The following CDH8 variants were observed in gnomAD, a reference collection of about 807,000 sequenced individuals.
CDH8 encodes cadherin 8.
Under a neutral mutation model 68.1 loss-of-function variants are expected in CDH8, and 17 were observed. The ratio of observed to expected loss-of-function variants is 0.25; its 90% confidence interval spans 0.17 to 0.37. The LOEUF (loss-of-function observed/expected upper bound fraction) is 0.37, where lower values mean the gene tolerates loss of function less well. CDH8 is among the 10% of genes least tolerant of loss of function. The probability of loss-of-function intolerance (pLI) is 1.00; values close to 1 mark genes in which losing one functional copy is unlikely to be tolerated. For synonymous variants in CDH8, 372 were observed against 365.1 expected (o/e 1.02, Z -0.21); for missense variants, 763 against 999.3 (o/e 0.76, Z 3.19).
At chr16:61,750,594 A>G (rs1960135156) in intron 8 of CDH8, among the ~76,000 whole-genome samples, 1 of 152,218 alleles carries the variant, frequency 6.6e-6, no homozygotes, top group South Asian at 2.1e-4. Context: ...TCCTATAAGC[A>G]GGTTGACTCT....
At chr16:61,707,603 G>C (rs912633416) in intron 10 of CDH8, among the ~76,000 whole-genome samples, 7 of 152,108 alleles carry the variant, frequency 4.6e-5, no homozygotes, top group African/African-American at 2.4e-5. Flanking sequence ...TGAGGGATCT[G>C]AAGCACTTGG....
At chr16:61,794,749 A>T (rs1567473604) in intron 7 of CDH8, among the ~76,000 whole-genome samples, 1 of 151,766 alleles carries the variant, frequency 6.6e-6, no homozygotes, top group African/African-American at 2.4e-5. Context: ...TGGTACCAGT[A>T]TTTTTTTTCC....
chr16:61,941,948 G>T (rs141629951), intron 2 of CDH8, among the ~76,000 whole-genome samples: 10 of 151,858 alleles, frequency 6.6e-5, no homozygotes, highest in Non-Finnish European at 1.0e-4. Flanking sequence ...CCTGCTCCTC[G>T]TTTTAGTAAA....
In CDH8 at chr16:61,649,624, A is replaced by T. The variant is rs1374062680; in HGVS notation, c.*3984T>A. 6.6e-6 allele frequency: 1 copy of T among 151,896 alleles called. No homozygotes were observed. The highest frequency in any genetic ancestry group is 1.5e-5 in the Non-Finnish European group (1 of 67,978). The allele number at this position is 151,896 out of a possible 1,614,324, so 9.4% of individuals were successfully genotyped here. On this transcript the variant is annotated 3_prime_UTR_variant, in exon 12 of 12. Coordinates refer to ENST00000577390, the MANE Select transcript of CDH8 (RefSeq NM_001796.5). ...GATGGGATTTTTTTGAAATCTTATT[A>T]CTGGTTACACTGCCCTGATCTCAGA... is the stretch of plus-strand genomic sequence containing the variant.
chr16:61,971,835 G>T (rs556731253), intron 2 of CDH8, among the ~76,000 whole-genome samples: 1 of 152,242 alleles, frequency 6.6e-6, no homozygotes, highest in East Asian at 1.9e-4. Context: ...GAGTTTAACT[G>T]TATGCCAGGA....
At chr16:61,902,408 CT>C (rs1294390130) in intron 2 of CDH8, among the ~76,000 whole-genome samples, 1 of 151,978 alleles carries the variant, frequency 6.6e-6, no homozygotes, top group African/African-American at 2.4e-5. Flanking sequence ...GGTGTCTCTC[CT>C]GTTTTAAAAA....
intron 8 of CDH8, among the ~76,000 whole-genome samples, chr16:61,748,097 G>T (rs1960067376): frequency 6.6e-6 from 1 of 151,852 alleles, no homozygotes; most frequent in African/African-American, 2.4e-5. Flanking sequence ...TAATATGGTT[G>T]GTGTCCAAGC....
rs1567405364 is a variant in CDH8, at chr16:61,655,714, G to A, written c.1662C>T (p.Ser554=). 6.2e-7 allele frequency: 1 copy of A among 1,612,632 alleles called. No individual in the cohort carries two copies. The highest frequency in any genetic ancestry group is 1.1e-5 in the South Asian group (1 of 90,926). Residue 554 remains serine, a synonymous_variant, in exon 11 of 12, where the codon TCC becomes TCT. Coordinates refer to ENST00000577390, the MANE Select transcript of CDH8 (RefSeq NM_001796.5). Reference sequence around the variant, plus strand: ...CATTATGCTTTGCCAAAATACTGAGGGAATTATCTGAAAAAAGTAAAAATT... The same window carrying A: ...CATTATGCTTTGCCAAAATACTGAGAGAATTATCTGAAAAAAGTAAAAATT... The part of the protein sequence containing the change: ...NFTIKKNEDN[S]LSILAKHNGF...
chr16:61,683,081 T>G (rs1964042875), intron 10 of CDH8, among the ~76,000 whole-genome samples: 1 of 152,030 alleles, frequency 6.6e-6, no homozygotes, highest in African/African-American at 2.4e-5. Context: ...TAAGGGTATG[T>G]GAAGTTCAAT....
chr16:61,866,569 AGTGT>A (rs200585090), intron 3 of CDH8, among the ~76,000 whole-genome samples: 1 of 147,644 alleles, frequency 6.8e-6, no homozygotes, highest in South Asian at 2.2e-4. Context: ...AGAATTATAT[AGTGT>A]GTGTGTGTAT....
chr16:61,676,774 A>G (rs1006615144), intron 10 of CDH8, among the ~76,000 whole-genome samples: 53 of 152,076 alleles, frequency 3.5e-4, no homozygotes, highest in African/African-American at 1.2e-3. Flanking sequence ...ATTCATTGAC[A>G]TTGTCATCCT....
chr16:61,689,205 C>T (rs749330139), intron 10 of CDH8, among the ~76,000 whole-genome samples: 3 of 152,018 alleles, frequency 2.0e-5, no homozygotes, highest in Non-Finnish European at 4.4e-5. Context: ...CAAGATTCTA[C>T]AATGACATAC....
chr16:61,655,563 C>T lies in CDH8; in HGVS notation c.1813G>A (p.Val605Ile), dbSNP rs146415895. The stretch of plus-strand genomic sequence containing the variant: ...TAAGCTTCGACATTGCAAGACTGGA[C>T]GACACCGTCATTGCTGCAGCCACAG... ...RVCGCSNDGV[V>I]QSCNVEAYVL... is the part of the protein sequence containing the mutation. The change falls in exon 11 of 12, where the codon GTC becomes ATC. Residue 605 changes from valine to isoleucine, a missense_variant. Physicochemically the swap from Val to Ile is conservative, Grantham distance 29 (BLOSUM62 3). Around this residue, in one of 2 missense-constraint regions of CDH8, gnomAD observed 397 missense variants for 436.2 expected, o/e 0.91. Transcript: ENST00000577390. The T allele has an allele frequency of 6.2e-6, 10 of 1,614,116 alleles. No homozygotes were observed. Among genetic ancestry groups the T allele is most frequent in the East Asian group, 2.2e-5 (1 of 44,844 alleles).
chr16:61,820,314 GTT>G (rs545670875), intron 6 of CDH8, among the ~76,000 whole-genome samples: 3 of 90,774 alleles, frequency 3.3e-5, no homozygotes, highest in African/African-American at 4.7e-5. Context: ...TGCCTGTTTG[GTT>G]TTTTTTTTTT....
At chr16:61,730,122 G>A (rs1218756289) in intron 8 of CDH8, among the ~76,000 whole-genome samples, 2 of 150,902 alleles carry the variant, frequency 1.3e-5, no homozygotes, top group East Asian at 3.9e-4. Context: ...TTTTAATTTG[G>A]CCTCATGGTT....
intron 10 of CDH8, among the ~76,000 whole-genome samples, chr16:61,700,153 T>C (rs1262992327): frequency 6.6e-6 from 1 of 152,192 alleles, no homozygotes; most frequent in African/African-American, 2.4e-5. Flanking sequence ...GTATTTCTGC[T>C]ATTGTGAACA....
intron 10 of CDH8, among the ~76,000 whole-genome samples, chr16:61,682,327 A>G (rs1388414925): frequency 6.6e-6 from 1 of 152,004 alleles, no homozygotes; most frequent in Non-Finnish European, 1.5e-5. Context: ...TGAAAAATAT[A>G]GAAATCTAAG....
chr16:61,955,712 G>A (rs927748220), intron 2 of CDH8, among the ~76,000 whole-genome samples: 3 of 152,090 alleles, frequency 2.0e-5, no homozygotes, highest in African/African-American at 7.2e-5. Context: ...AATCCTAGCA[G>A]GAAGGATGTT....
chr16:61,917,991 G>A (rs1022687214), intron 2 of CDH8, among the ~76,000 whole-genome samples: 2 of 120,330 alleles, frequency 1.7e-5, no homozygotes, highest in South Asian at 2.6e-4. Context: ...TTTTTTTACC[G>A]TACTGACATT....
Sources: gnomAD v4.1 joint callset for allele counts (sites outside exome capture counted in the v4.1 genomes callset) on GRCh38, gnomAD v4.1.1 for gene constraint, gnomAD v4.1.1 regional missense constraint, MANE v1.5 for transcripts, NCBI Gene and HGNC (gene_info 2026-07-23, HGNC 2026-07-21) for gene names.